Variants in STXBP5L observed in about 807,000 individuals in gnomAD.
The protein encoded by STXBP5L is syntaxin-binding protein 5-like.
STXBP5L carries 65 observed loss-of-function variants against 144.5 expected under a neutral mutation model. The observed-to-expected ratio is 0.45, with a 90% confidence interval of 0.37 to 0.55. STXBP5L has a LOEUF of 0.55. Among genes scored for constraint, STXBP5L ranks in the 20% least tolerant of loss-of-function variants. The pLI is 0.00. For missense variants in STXBP5L, 1,298 were observed against 1,405.5 expected, an observed-to-expected ratio of 0.92 and a Z score of 1.22; for synonymous variants, 505 against 469.6, an observed-to-expected ratio of 1.08 and a Z score of -0.97.
At chr3:121,032,256 A>AT (rs981529734) in intron 3 of STXBP5L, among the ~76,000 whole-genome samples, 1 of 151,940 alleles carries the variant, frequency 6.6e-6, no homozygotes, top group Non-Finnish European at 1.5e-5. Flanking sequence ...TGGGCAAAAA[A>AT]AAAAAAGAAA....
chr3:121,110,941 TC>T (rs2043956383), intron 5 of STXBP5L, among the ~76,000 whole-genome samples: 1 of 152,172 alleles, frequency 6.6e-6, no homozygotes, highest in African/African-American at 2.4e-5. Flanking sequence ...CATTCCTTTT[TC>T]TTTTTTTTCC....
At chr3:121,357,449 T>C (rs546593920) in intron 20 of STXBP5L, 2 of 152,992 alleles carry the variant, frequency 1.3e-5, no homozygotes, top group Admixed American at 6.5e-5. Flanking sequence ...GAAGAGTGTT[T>C]CTGCATACAT....
chr3:121,381,589 G>A, intron 22 of STXBP5L, 57 bp downstream of exon 22: 8 of 1,560,014 alleles, frequency 5.1e-6, no homozygotes, highest in South Asian at 5.0e-5. Context: ...TTAGATATAA[G>A]GTATTATAAA....
intron 2 of STXBP5L, among the ~76,000 whole-genome samples, chr3:120,927,462 T>G (rs1235741190): frequency 2.6e-5 from 4 of 152,222 alleles, no homozygotes; most frequent in Admixed American, 1.3e-4. Flanking sequence ...TATTTCTTAC[T>G]TCAGGTACTG....
chr3:121,169,190 C>A (rs2046612765), intron 9 of STXBP5L, among the ~76,000 whole-genome samples: 1 of 152,126 alleles, frequency 6.6e-6, no homozygotes, highest in Non-Finnish European at 1.5e-5. Context: ...CTGAAGGAAG[C>A]ACTAAACATG....
chr3:120,954,652 T>C (rs981397047), intron 2 of STXBP5L, among the ~76,000 whole-genome samples: 1 of 152,146 alleles, frequency 6.6e-6, no homozygotes, highest in Non-Finnish European at 1.5e-5. Flanking sequence ...CATATGCTTT[T>C]AATTTTCCTG....
chr3:121,089,092 T>TAAAAAAAAAAAAA (rs375977537), intron 5 of STXBP5L, among the ~76,000 whole-genome samples: 3 of 56,154 alleles, frequency 5.3e-5, no homozygotes, highest in Non-Finnish European at 9.3e-5. Flanking sequence ...TAGAGTATAA[T>TAAAAAAAAAAAAA]AAAAAAAAAA....
At chr3:120,980,778 G>T (rs561591464) in intron 3 of STXBP5L, among the ~76,000 whole-genome samples, 39 of 152,160 alleles carry the variant, frequency 2.6e-4, no homozygotes, top group Middle Eastern at 3.4e-3. Context: ...TGCAATCTTG[G>T]TTGTGTAATT....
intron 20 of STXBP5L, among the ~76,000 whole-genome samples, chr3:121,331,336 T>G (rs372377200): frequency 2.4e-4 from 37 of 152,170 alleles, no homozygotes; most frequent in African/African-American, 8.9e-4. Flanking sequence ...GCAGACACAG[T>G]TGAGGCTTCT....
Position 121,045,529 on chromosome 3 carries a change from G to A in STXBP5L, c.464G>A (p.Arg155Gln), listed in dbSNP as rs200925938. 78 of 1,610,350 alleles carry A rather than the reference G, an allele frequency of 4.8e-5. No individual in the cohort carries two copies. The highest frequency in any genetic ancestry group is 1.3e-4 in the South Asian group (12 of 90,098). The change falls in exon 5 of 27, where the codon CGG becomes CAG. Residue 155 changes from arginine to glutamine, a missense_variant. Coordinates refer to ENST00000471454, the MANE Select transcript of STXBP5L (RefSeq NM_001308330.2). ...ATACTCCATTCTCTTAAATTTAACC[G>A]GGAACGGTAAGAACCTATGAATTAA... The part of the protein sequence containing the change: ...PAILHSLKFN[R>Q]ERITYCHLPF...
chr3:121,008,929 CA>C (rs1944561308), intron 3 of STXBP5L, among the ~76,000 whole-genome samples: 1 of 131,070 alleles, frequency 7.6e-6, no homozygotes, highest in Admixed American at 8.5e-5. Flanking sequence ...TTAATATAAT[CA>C]ATTTTTTTTT....
At chr3:120,998,873 G>A (rs1187996326) in intron 3 of STXBP5L, among the ~76,000 whole-genome samples, 1 of 152,154 alleles carries the variant, frequency 6.6e-6, no homozygotes, top group African/African-American at 2.4e-5. Context: ...AGAGCTGACA[G>A]AAATGAATGG....
intron 3 of STXBP5L, among the ~76,000 whole-genome samples, chr3:121,017,983 T>C (rs1560007810): frequency 6.6e-6 from 1 of 151,974 alleles, no homozygotes; most frequent in Non-Finnish European, 1.5e-5. Context: ...GGAGGCTGAG[T>C]TGAGAGGATC....
At position 121,083,451 on chromosome 3, in the gene STXBP5L, C is replaced by T. The variant is rs1261242372; in HGVS notation, c.471-31474C>T. Among the ~76,000 whole-genome samples, 4 of 151,828 alleles carry T rather than the reference C, an allele frequency of 2.6e-5. No homozygotes were observed. In the East Asian group the frequency reaches 7.8e-4, roughly 30 times the overall value. On this transcript the variant is annotated intron_variant, in intron 5 of 26. Coordinates refer to ENST00000471454, the MANE Select transcript of STXBP5L (RefSeq NM_001308330.2). ...CTGAGGTGGGCAGATCACTTGAGGT[C>T]ACAAGTTCAAGACCAGCCTGGCCAA...
intron 7 of STXBP5L, 35 bp from the exon 8 acceptor site, chr3:121,152,442 A>C (rs776539456): frequency 1.4e-6 from 2 of 1,442,596 alleles, no homozygotes; most frequent in Non-Finnish European, 9.6e-7. Flanking sequence ...AATTAATGTT[A>C]GAATTAAGAA....
At chr3:121,403,622 AACTT>A (rs2046933577) in intron 22 of STXBP5L, among the ~76,000 whole-genome samples, 2 of 152,146 alleles carry the variant, frequency 1.3e-5, no homozygotes, top group South Asian at 2.1e-4. Flanking sequence ...GCCTTCATAA[AACTT>A]ACTTTCTATG....
At position 121,229,220 on chromosome 3, in the gene STXBP5L, T is replaced by C. The variant is rs563529863; in HGVS notation, c.1112-4396T>C. On this transcript the variant is annotated intron_variant, in intron 11 of 26. Coordinates refer to ENST00000471454, the MANE Select transcript of STXBP5L (RefSeq NM_001308330.2). ...TCTCATGCAAAATTATTCTCTTATC[T>C]TTACATCTATAACTCTCCTTACATC... Among the ~76,000 whole-genome samples, 5 of 152,308 alleles carry C rather than the reference T, an allele frequency of 3.3e-5. No individual in the cohort carries two copies. The East Asian group carries it at 7.7e-4, about 24-fold the overall frequency.
At chr3:121,215,973 C>T (rs1053811599) in intron 10 of STXBP5L, among the ~76,000 whole-genome samples, 1 of 152,044 alleles carries the variant, frequency 6.6e-6, no homozygotes, top group African/African-American at 2.4e-5. Context: ...CTCTGATATC[C>T]TTTCTTTCAC....
chr3:121,185,573 G>T (rs541557753), intron 9 of STXBP5L, among the ~76,000 whole-genome samples: 22 of 152,266 alleles, frequency 1.4e-4, no homozygotes, highest in Admixed American at 1.4e-3. Flanking sequence ...TCCATTTCTT[G>T]TTTTTGTCAG....
Sources: gnomAD v4.1 joint callset for allele counts (sites outside exome capture counted in the v4.1 genomes callset) on GRCh38, gnomAD v4.1.1 for gene constraint, MANE v1.5 for transcripts, NCBI Gene and HGNC (gene_info 2026-07-23, HGNC 2026-07-21) for gene names.